DSG1: variants seen among roughly 807,000 people sequenced by gnomAD.
The protein encoded by DSG1 is desmoglein 1, also known as desmoglein-1.
Under a neutral mutation model 97.5 loss-of-function variants are expected in DSG1, and 39 were observed. That is an observed-to-expected ratio of 0.40 (90% CI 0.31 to 0.52). DSG1 has a LOEUF of 0.52. Ranked by LOEUF, DSG1 falls within the 20% of genes least tolerant of loss-of-function variation. The pLI is 0.53. For synonymous variants in DSG1, 475 were observed against 443.4 expected, an observed-to-expected ratio of 1.07 and a Z score of -0.90; for missense variants, 1,311 against 1,295.4, an observed-to-expected ratio of 1.01 and a Z score of -0.18.
intron 1 of DSG1, among the ~76,000 whole-genome samples, chr18:31,320,546 G>A (rs1335191204): frequency 1.3e-5 from 2 of 152,164 alleles, no homozygotes; most frequent in Admixed American, 1.3e-4. Flanking sequence ...AAAGCTGGAG[G>A]AGCTGCTCTT....
chr18:31,345,141 A>G (rs2071821310), intron 13 of DSG1, among the ~76,000 whole-genome samples: 1 of 152,152 alleles, frequency 6.6e-6, no homozygotes, highest in Admixed American at 6.5e-5. Flanking sequence ...GTTCCCATTA[A>G]ATCTACAAAC....
At chr18:31,353,997 G>C in intron 14 of DSG1, 1 of 340,814 alleles carries the variant, frequency 2.9e-6, no homozygotes. Context: ...GCTCCTCCTC[G>C]AAACCAATTC....
At chr18:31,326,748 A>C in intron 2 of DSG1, 126 bp from the exon 3 acceptor site, 2 of 1,371,058 alleles carry the variant, frequency 1.5e-6, no homozygotes, top group Non-Finnish European at 2.1e-6. Context: ...AGATTACCAA[A>C]ATTACCAATT....
chr18:31,331,032 C>A (rs563359095), intron 5 of DSG1, among the ~76,000 whole-genome samples: 1 of 152,040 alleles, frequency 6.6e-6, no homozygotes, highest in South Asian at 2.1e-4. Context: ...TGGCAGTTTT[C>A]CACATTCTCC....
At chr18:31,319,667 G>T (rs2071641353) in intron 1 of DSG1, among the ~76,000 whole-genome samples, 1 of 152,080 alleles carries the variant, frequency 6.6e-6, no homozygotes, top group Admixed American at 6.6e-5. Context: ...AAATAAATTT[G>T]ATCCATTAAG....
chr18:31,353,011 G>A lies in DSG1; in HGVS notation c.2101-1286G>A, dbSNP rs1225319660. On this transcript the variant is annotated intron_variant, in intron 14 of 14. Transcript: ENST00000257192. ...CATCCAGCTTTGTTCCGTTGCTGGT[G>A]AGGAACTGCGTTCCTTTGGAGGAGG... 2.4e-4 allele frequency among the ~76,000 whole-genome samples: 36 copies of A among 150,132 alleles called. No individual in the cohort carries two copies. The South Asian group carries it at 7.4e-3, about 31-fold the overall frequency.
rs6506918 is a variant in DSG1, at chr18:31,344,021, T to A, written c.1891+26T>A. 0.6 allele frequency: 910,603 copies of A among 1,506,944 alleles called. 283,397 individuals are homozygous for A. The highest frequency in any genetic ancestry group is 0.91 in the African/African-American group (66,516 of 72,822). The allele number at this position is 1,506,944 out of a possible 1,614,324, so 93.3% of individuals were successfully genotyped here. On this transcript the variant is annotated intron_variant, in intron 13 of 14. Coordinates refer to ENST00000257192, the MANE Select transcript of DSG1 (RefSeq NM_001942.4). ...GTAAGAAAAAAGAATTTGTTTAACA[T>A]CTCAAATGCTTAAGTAGGAAGTCTA...
At chr18:31,345,602 T>C in intron 13 of DSG1, 1 of 183,360 alleles carries the variant, frequency 5.5e-6, no homozygotes, top group Non-Finnish European at 1.1e-5. Context: ...TGTCTTTTTC[T>C]GGATGTCCTG....
Position 31,333,747 on chromosome 18 carries a change from A to G in DSG1, c.819+24A>G, listed in dbSNP as rs56032720. 9,734 of 1,610,846 alleles carry G rather than the reference A, an allele frequency of 6.0e-3. 541 individuals are homozygous for G. In the African/African-American group the frequency reaches 0.12, roughly 19 times the overall value. On this transcript the variant is annotated intron_variant, in intron 7 of 14. Transcript: ENST00000257192. Reference sequence around the variant, plus strand: ...CAGTAAGTATTTGTTCTTGGAATTAATAAATCTAAATTCGCTATATTCTAA... The same window carrying G: ...CAGTAAGTATTTGTTCTTGGAATTAGTAAATCTAAATTCGCTATATTCTAA...
intron 9 of DSG1, 87 bp from the exon 10 acceptor site, chr18:31,338,228 C>G (rs1293063754): frequency 1.5e-6 from 2 of 1,337,300 alleles, no homozygotes; most frequent in East Asian, 2.6e-5. Flanking sequence ...ATTATAATTA[C>G]TCACTGAAAA....
intron 14 of DSG1, among the ~76,000 whole-genome samples, chr18:31,353,746 G>A (rs957269830): frequency 5.3e-5 from 8 of 151,326 alleles, no homozygotes; most frequent in East Asian, 3.9e-4. Context: ...GGTGCCGTCC[G>A]TCACCCCTTT....
intron 14 of DSG1, among the ~76,000 whole-genome samples, chr18:31,351,341 T>C (rs1168248076): frequency 1.4e-5 from 2 of 147,754 alleles, no homozygotes; most frequent in Non-Finnish European, 3.0e-5. Context: ...AGATAGTTTG[T>C]TATAATTTCC....
chr18:31,344,857 T>C (rs11663972), intron 13 of DSG1, among the ~76,000 whole-genome samples: 17,175 of 152,274 alleles, frequency 0.11, 1,187 homozygotes, highest in South Asian at 0.19. Context: ...ATTTTTCTCA[T>C]AGTCTTTTTA....
At chr18:31,350,754 G>A (rs879841888) in intron 14 of DSG1, among the ~76,000 whole-genome samples, 91 of 150,890 alleles carry the variant, frequency 6.0e-4, no homozygotes, top group East Asian at 2.2e-3. Flanking sequence ...GTTTATTTGC[G>A]TAGAGGTGTT....
intron 11 of DSG1, among the ~76,000 whole-genome samples, chr18:31,340,465 G>A (rs575483145): frequency 1.3e-5 from 2 of 151,570 alleles, no homozygotes; most frequent in Non-Finnish European, 1.5e-5. Flanking sequence ...AAAATGATCC[G>A]GGCATGGTGG....
chr18:31,350,879 C>T (rs1261681444), intron 14 of DSG1, among the ~76,000 whole-genome samples: 2 of 150,728 alleles, frequency 1.3e-5, no homozygotes, highest in Non-Finnish European at 2.9e-5. Context: ...ATTAGTCTTG[C>T]TAGCAGTCTA....
intron 14 of DSG1, among the ~76,000 whole-genome samples, chr18:31,349,316 T>C (rs2071873346): frequency 6.9e-6 from 1 of 144,040 alleles, no homozygotes; most frequent in South Asian, 2.2e-4. Context: ...TTCTGTTCCA[T>C]TGATCTATAT....
At chr18:31,343,729 C>T (rs374048001) in intron 12 of DSG1, 146 bp downstream of exon 12, 17 of 1,303,266 alleles carry the variant, frequency 1.3e-5, no homozygotes, top group Admixed American at 1.2e-4. Flanking sequence ...GAATCAGAAA[C>T]ACAACAAAAT....
At chr18:31,341,100 C>G (rs2071786268) in intron 11 of DSG1, among the ~76,000 whole-genome samples, 1 of 152,156 alleles carries the variant, frequency 6.6e-6, no homozygotes, top group African/African-American at 2.4e-5. Flanking sequence ...CTCCAGGTGG[C>G]TGTTAACATT....
Sources: allele counts gnomAD v4.1 joint callset (sites outside exome capture counted in the v4.1 genomes callset), GRCh38; gene constraint gnomAD v4.1.1; transcripts MANE v1.5; gene names NCBI Gene and HGNC (gene_info 2026-07-23, HGNC 2026-07-21).